The following NRP1 variants were observed in gnomAD, a reference collection of about 807,000 sequenced individuals.
NRP1 encodes neuropilin-1.
In NRP1, 35 loss-of-function variants were observed where a neutral mutation model predicts 106.7. That is an observed-to-expected ratio of 0.33 (90% CI 0.25 to 0.43). NRP1 has a LOEUF of 0.43. Among genes scored for constraint, NRP1 ranks in the 20% least tolerant of loss-of-function variants. The probability of loss-of-function intolerance (pLI) is 1.00; values close to 1 mark genes in which losing one functional copy is unlikely to be tolerated. For missense variants in NRP1, 1,024 were observed against 1,170.4 expected (o/e 0.87, Z 1.83); for synonymous variants, 437 against 417.9 (o/e 1.05, Z -0.56).
intron 8 of NRP1, among the ~76,000 whole-genome samples, chr10:33,221,342 G>A (rs1053132750): frequency 5.3e-5 from 8 of 152,194 alleles, no homozygotes; most frequent in African/African-American, 1.9e-4. Flanking sequence ...TGCCTTCATG[G>A]AGCTTACAGT....
chr10:33,277,881 CATTT>C (rs1241217089), intron 2 of NRP1, among the ~76,000 whole-genome samples: 1 of 151,926 alleles, frequency 6.6e-6, no homozygotes, highest in Admixed American at 6.6e-5. Context: ...TTCATTCATT[CATTT>C]ATGTATCTGT....
chr10:33,244,819 G>A (rs1048132946), intron 6 of NRP1, among the ~76,000 whole-genome samples: 4 of 152,182 alleles, frequency 2.6e-5, no homozygotes, highest in Middle Eastern at 6.8e-3. Context: ...GACATACAAC[G>A]TTCATGTGTC....
intron 1 of NRP1, among the ~76,000 whole-genome samples, chr10:33,331,695 C>G (rs1274484687): frequency 6.6e-6 from 1 of 152,174 alleles, no homozygotes; most frequent in Non-Finnish European, 1.5e-5. Flanking sequence ...AGTTTTGAGC[C>G]TTCATTTCAA....
At chr10:33,322,156 C>T (rs1847556079) in intron 2 of NRP1, among the ~76,000 whole-genome samples, 1 of 152,052 alleles carries the variant, frequency 6.6e-6, no homozygotes, top group African/African-American at 2.4e-5. Flanking sequence ...CTTCTCACCT[C>T]TGGGCCTGAG....
At chr10:33,224,182 G>T (rs1168540116) in intron 7 of NRP1, among the ~76,000 whole-genome samples, 1 of 152,136 alleles carries the variant, frequency 6.6e-6, no homozygotes, top group African/African-American at 2.4e-5. Flanking sequence ...AAAGTGCTCA[G>T]AACAGATGCC....
At chr10:33,208,268 G>T (rs1225432287) in intron 9 of NRP1, among the ~76,000 whole-genome samples, 3 of 152,154 alleles carry the variant, frequency 2.0e-5, no homozygotes, top group Admixed American at 1.3e-4. Flanking sequence ...GCCCAGGCTG[G>T]TCTCAAGCAC....
intron 15 of NRP1, 63 bp downstream of exon 15, chr10:33,185,565 A>G (rs1224654328): frequency 4.8e-6 from 6 of 1,244,208 alleles, no homozygotes; most frequent in Non-Finnish European, 5.9e-6. Context: ...AAAGACCATC[A>G]TATTGGCAAG....
intron 11 of NRP1, among the ~76,000 whole-genome samples, chr10:33,200,314 C>T (rs942712430): frequency 6.6e-6 from 1 of 152,170 alleles, no homozygotes; most frequent in Non-Finnish European, 1.5e-5. Flanking sequence ...TATCTAATGA[C>T]TTCAAAGGCA....
At chr10:33,205,028 G>A (rs1446823571) in intron 10 of NRP1, among the ~76,000 whole-genome samples, 1 of 152,106 alleles carries the variant, frequency 6.6e-6, no homozygotes, top group Non-Finnish European at 1.5e-5. Flanking sequence ...CACCACACCC[G>A]GCCTGTGGTT....
intron 3 of NRP1, among the ~76,000 whole-genome samples, chr10:33,267,785 T>C (rs73251999): frequency 0.1 from 15,799 of 152,032 alleles, 928 homozygotes; most frequent in Middle Eastern, 0.21. Context: ...GGAAGAGACA[T>C]GTAGAAGGAA....
Position 33,278,043 on chromosome 10 carries a change from T to C in NRP1, c.249-7187A>G, listed in dbSNP as rs146359875. ...TTCAATACACCCCACAAATCTAACT[T>C]CTAAACCATAGCATTACTACTTCTA... On this transcript the variant is annotated intron_variant, in intron 2 of 16. Coordinates refer to ENST00000374867, the MANE Select transcript of NRP1 (RefSeq NM_003873.7). Among the ~76,000 whole-genome samples the C allele has an allele frequency of 3.1e-3, 477 of 152,336 alleles. 8 individuals are homozygous for C. Among genetic ancestry groups the C allele is most frequent in the Admixed American group, 0.026 (393 of 15,304 alleles).
chr10:33,268,427 A>T (rs1295559097), intron 3 of NRP1, among the ~76,000 whole-genome samples: 2 of 152,196 alleles, frequency 1.3e-5, no homozygotes, highest in African/African-American at 2.4e-5. Flanking sequence ...AAAGCAGTGG[A>T]TGCCGTATTG....
intron 2 of NRP1, among the ~76,000 whole-genome samples, chr10:33,323,165 C>G (rs138681237): frequency 1.7e-4 from 26 of 152,070 alleles, no homozygotes; most frequent in African/African-American, 5.8e-4. Flanking sequence ...CTCAGGAGTT[C>G]GAGACCAGCC....
intron 2 of NRP1, among the ~76,000 whole-genome samples, chr10:33,324,263 T>C (rs1847733137): frequency 6.6e-6 from 1 of 152,172 alleles, no homozygotes; most frequent in African/African-American, 2.4e-5. Flanking sequence ...ATGCTGCAAG[T>C]GGTAGTAACA....
intron 6 of NRP1, among the ~76,000 whole-genome samples, chr10:33,233,117 TC>T (rs1840287064): frequency 6.6e-6 from 1 of 152,136 alleles, no homozygotes; most frequent in Non-Finnish European, 1.5e-5. Context: ...AATGAGAAGA[TC>T]TTGTTAGCAG....
chr10:33,310,364 C>T (rs1165525761), intron 2 of NRP1, among the ~76,000 whole-genome samples: 1 of 150,462 alleles, frequency 6.6e-6, no homozygotes, highest in African/African-American at 2.4e-5. Context: ...GATTCTCCTG[C>T]CTCAGCCTCC....
chr10:33,185,736 A>G lies in NRP1; in HGVS notation c.2335-12T>C, dbSNP rs1835961177. ...CCCTCGAAAATCACCTAACAAAATA[A>G]GATCATTTTCACAGTATTGAAATGC... On this transcript the variant is annotated splice_polypyrimidine_tract_variant and intron_variant, in intron 14 of 16. Transcript: ENST00000374867. The G allele has an allele frequency of 6.2e-7, 1 of 1,608,676 alleles. No individual in the cohort carries two copies.
chr10:33,225,320 A>C (rs890848041), intron 7 of NRP1, among the ~76,000 whole-genome samples: 4 of 152,184 alleles, frequency 2.6e-5, no homozygotes, highest in Non-Finnish European at 4.4e-5. Flanking sequence ...AAAGAGAGAC[A>C]GGTTAATTGG....
At chr10:33,185,928 T>C (rs901151820) in intron 14 of NRP1, among the ~76,000 whole-genome samples, 15 of 152,140 alleles carry the variant, frequency 9.9e-5, no homozygotes, top group African/African-American at 3.6e-4. Flanking sequence ...ATACAAACTT[T>C]AAAACGGGAG....
Sources: allele counts gnomAD v4.1 joint callset (sites outside exome capture counted in the v4.1 genomes callset), GRCh38; gene constraint gnomAD v4.1.1; transcripts MANE v1.5; gene names NCBI Gene and HGNC (gene_info 2026-07-23, HGNC 2026-07-21).